Variants in DRC11 observed in about 807,000 individuals in gnomAD.
DRC11 encodes dynein regulatory complex subunit 11, also known as IQ and AAA domain-containing protein 1.
the DRC11 span, among the ~76,000 whole-genome samples, chr2:236,372,381 A>G: frequency 8.5e-5 from 13 of 152,158 alleles, no homozygotes; most frequent in Admixed American, 5.9e-4. This position sits in a 1 kb window ranked among gnomAD's most constrained non-coding sequence, Gnocchi z 4.5. Flanking sequence ...ATTTTTTCTG[A>G]AATAGACAAT....
At chr2:236,462,411 C>T in the DRC11 span, among the ~76,000 whole-genome samples, 1 of 152,164 alleles carries the variant, frequency 6.6e-6, no homozygotes, top group Non-Finnish European at 1.5e-5. This position sits in a 1 kb window ranked among gnomAD's most constrained non-coding sequence, Gnocchi z 6.4. Flanking sequence ...GTGGCTCATG[C>T]CTGTAATCCC....
chr2:236,423,725 C>G, the DRC11 span, among the ~76,000 whole-genome samples: 54 of 152,270 alleles, frequency 3.5e-4, no homozygotes, highest in African/African-American at 1.3e-3. Flanking sequence ...GGTTATAAAT[C>G]ATGCTGCTAT....
chr2:236,326,779 A>G, the DRC11 span, among the ~76,000 whole-genome samples: 1 of 128,670 alleles, frequency 7.8e-6, no homozygotes, highest in African/African-American at 2.9e-5. Context: ...TGGAATTTTG[A>G]TTTTCAGATT....
the DRC11 span, among the ~76,000 whole-genome samples, chr2:236,381,012 G>A: frequency 6.6e-6 from 1 of 152,170 alleles, no homozygotes; most frequent in Non-Finnish European, 1.5e-5. This position sits in a 1 kb window ranked among gnomAD's most constrained non-coding sequence, Gnocchi z 5.8. Context: ...TAAGCTGAAT[G>A]CTTGTGTTCC....
chr2:236,481,607 T>C, the DRC11 span, among the ~76,000 whole-genome samples: 2 of 152,274 alleles, frequency 1.3e-5, no homozygotes, highest in South Asian at 4.1e-4. Flanking sequence ...GGTGAGCTGC[T>C]TTTACTTTTA....
chr2:236,459,992 T>C, the DRC11 span, among the ~76,000 whole-genome samples: 3 of 152,190 alleles, frequency 2.0e-5, no homozygotes, highest in African/African-American at 7.2e-5. Context: ...TAAGAATTTG[T>C]TGAGCCATCA....
chr2:236,410,014 C>G, the DRC11 span, among the ~76,000 whole-genome samples: 1 of 152,044 alleles, frequency 6.6e-6, no homozygotes, highest in Non-Finnish European at 1.5e-5. Context: ...GGTTTGCCAG[C>G]ATTTTATTGA....
the DRC11 span, among the ~76,000 whole-genome samples, chr2:236,336,724 T>C: frequency 6.6e-6 from 1 of 151,978 alleles, no homozygotes; most frequent in African/African-American, 2.4e-5. The surrounding 1 kb of genome is among the most constrained non-coding windows in gnomAD (Gnocchi z 7.3). Flanking sequence ...CCCTCCACCA[T>C]CTGTAACACC....
the DRC11 span, among the ~76,000 whole-genome samples, chr2:236,315,386 C>T: frequency 2.0e-5 from 3 of 152,052 alleles, no homozygotes; most frequent in Non-Finnish European, 2.9e-5. This position sits in a 1 kb window ranked among gnomAD's most constrained non-coding sequence, Gnocchi z 5.1. Flanking sequence ...GAAATAGGAA[C>T]GTTTTTACAC....
At chr2:236,428,401 A>G in the DRC11 span, among the ~76,000 whole-genome samples, 1 of 152,114 alleles carries the variant, frequency 6.6e-6, no homozygotes, top group Admixed American at 6.5e-5. Context: ...TTTGCTTTTC[A>G]TATTTATATG....
chr2:236,311,780 G>T, the DRC11 span, among the ~76,000 whole-genome samples: 1 of 151,026 alleles, frequency 6.6e-6, no homozygotes, highest in Non-Finnish European at 1.5e-5. The surrounding 1 kb of genome is among the most constrained non-coding windows in gnomAD (Gnocchi z 6.9). Context: ...TTTGAGACAA[G>T]CTCATGCCTG....
the DRC11 span, among the ~76,000 whole-genome samples, chr2:236,485,930 C>T: frequency 1.3e-5 from 2 of 152,154 alleles, no homozygotes; most frequent in East Asian, 1.9e-4. Flanking sequence ...CCAGTGACCC[C>T]GCCTCCTGGT....
At chr2:236,358,594 G>C in the DRC11 span, among the ~76,000 whole-genome samples, 1 of 145,872 alleles carries the variant, frequency 6.9e-6, no homozygotes, top group Admixed American at 6.8e-5. Flanking sequence ...CTGTATAATA[G>C]TAAACCAGGG....
At chr2:236,497,024 A>C in the DRC11 span, 1 of 688,522 alleles carries the variant, frequency 1.5e-6, no homozygotes, top group Admixed American at 2.9e-5. The surrounding 1 kb of genome is among the most constrained non-coding windows in gnomAD (Gnocchi z 5.1). Flanking sequence ...GGTGTAATTG[A>C]AGGCAAATGT....
At chr2:236,476,342 ACT>A in the DRC11 span, among the ~76,000 whole-genome samples, 1 of 151,946 alleles carries the variant, frequency 6.6e-6, no homozygotes, top group African/African-American at 2.4e-5. This position sits in a 1 kb window ranked among gnomAD's most constrained non-coding sequence, Gnocchi z 4.7. Flanking sequence ...AAATGGGATT[ACT>A]TTTTTGAATT....
At chr2:236,384,099 A>G in the DRC11 span, among the ~76,000 whole-genome samples, 12 of 152,026 alleles carry the variant, frequency 7.9e-5, no homozygotes, top group African/African-American at 2.4e-4. Context: ...AGTCTTTGCT[A>G]TTGTGAATAA....
At chr2:236,491,876 C>G in the DRC11 span, among the ~76,000 whole-genome samples, 1 of 152,186 alleles carries the variant, frequency 6.6e-6, no homozygotes, top group Admixed American at 6.5e-5. Flanking sequence ...GTCCCACAAA[C>G]TTCATGTGCT....
chr2:236,432,197 G>A, the DRC11 span, among the ~76,000 whole-genome samples: 7 of 151,646 alleles, frequency 4.6e-5, no homozygotes, highest in African/African-American at 1.7e-4. Context: ...ATCTTTTCAT[G>A]TTCTTACTAG....
chr2:236,408,960 G>A, the DRC11 span: 18 of 707,390 alleles, frequency 2.5e-5, no homozygotes, highest in South Asian at 1.1e-4. The surrounding 1 kb of genome is among the most constrained non-coding windows in gnomAD (Gnocchi z 5.5). Context: ...GAAGTGGACC[G>A]GCTTGGAAGG....
Sources: gnomAD v4.1 joint callset for allele counts (sites outside exome capture counted in the v4.1 genomes callset) on GRCh38, gnomAD v4.1.1 for gene constraint, Gnocchi (gnomAD v3.1) non-coding constraint, MANE v1.5 for transcripts, NCBI Gene and HGNC (gene_info 2026-07-23, HGNC 2026-07-21) for gene names.